ANO2: variants seen among roughly 807,000 people sequenced by gnomAD.
ANO2 encodes anoctamin-2.
In ANO2, 101 loss-of-function variants were observed where a neutral mutation model predicts 124.2. That is an observed-to-expected ratio of 0.81 (90% CI 0.69 to 0.96). The LOEUF is 0.96. Among genes scored for constraint, ANO2 ranks in the 40% least tolerant of loss-of-function variants. ANO2 has a pLI of 0.00. For missense variants in ANO2, 1,293 were observed against 1,274.5 expected (o/e 1.01, Z -0.22); for synonymous variants, 486 against 482.5 (o/e 1.01, Z -0.09).
chr12:5,713,078 A>C (rs1949873373), intron 14 of ANO2, among the ~76,000 whole-genome samples: 1 of 152,202 alleles, frequency 6.6e-6, no homozygotes, highest in African/African-American at 2.4e-5. Context: ...ATGGACTGGA[A>C]GGGGGCCTGA....
chr12:5,684,797 A>T (rs7963523), intron 14 of ANO2, among the ~76,000 whole-genome samples: 1 of 152,040 alleles, frequency 6.6e-6, no homozygotes, highest in Admixed American at 6.5e-5. Flanking sequence ...ACTTGTTTTC[A>T]TCTTCCCTAT....
intron 19 of ANO2, among the ~76,000 whole-genome samples, chr12:5,607,684 T>G (rs1365047472): frequency 6.6e-6 from 1 of 152,112 alleles, no homozygotes; most frequent in Non-Finnish European, 1.5e-5. Flanking sequence ...CTCTGCCTCT[T>G]GTCAGGCCGG....
At chr12:5,745,861 G>A (rs1951251577) in intron 11 of ANO2, among the ~76,000 whole-genome samples, 1 of 152,212 alleles carries the variant, frequency 6.6e-6, no homozygotes, top group South Asian at 2.1e-4. Context: ...GGCATGTTCT[G>A]CTGGGTGACT....
In ANO2 at chr12:5,769,657, C is replaced by G. The variant is rs766908257; in HGVS notation, c.1056-18687G>C. On this transcript the variant is annotated intron_variant, in intron 10 of 24. Coordinates refer to ENST00000682330, the MANE Select transcript of ANO2 (RefSeq NM_001364791.2). The surrounding 1 kb of genome is among the most constrained non-coding windows in gnomAD (Gnocchi z 4.0). ...TGGGTGGTGGATGGACCTCCATTAA[C>G]AGCCACACCTCCCCATCCAGAAGGA... 1.3e-5 allele frequency among the ~76,000 whole-genome samples: 2 copies of G among 152,184 alleles called. No homozygotes were observed. The highest frequency in any genetic ancestry group is 2.9e-5 in the Non-Finnish European group (2 of 68,044).
At chr12:5,860,945 A>C (rs73255193) in intron 3 of ANO2, among the ~76,000 whole-genome samples, 2,637 of 152,320 alleles carry the variant, frequency 0.017, 69 homozygotes, top group African/African-American at 0.056. Flanking sequence ...CAAGGCTTCA[A>C]ATGTCAGTCT....
intron 14 of ANO2, among the ~76,000 whole-genome samples, chr12:5,708,628 G>C (rs1194157689): frequency 1.3e-5 from 2 of 152,170 alleles, no homozygotes; most frequent in African/African-American, 4.8e-5. Flanking sequence ...TGTGACCTTA[G>C]AGCCATTGTT....
chr12:5,647,534 G>A (rs1281330751), intron 15 of ANO2, among the ~76,000 whole-genome samples, 193 bp downstream of exon 15: 1 of 152,156 alleles, frequency 6.6e-6, no homozygotes, highest in Non-Finnish European at 1.5e-5. Flanking sequence ...CCCACTCCCT[G>A]GAAGTTCCAA....
At chr12:5,743,691 A>G (rs3825284) in intron 12 of ANO2, among the ~76,000 whole-genome samples, 17,493 of 152,228 alleles carry the variant, frequency 0.11, 1,086 homozygotes, top group Admixed American at 0.17. Context: ...GTCTACACTC[A>G]TGATGCCCTA....
intron 1 of ANO2, among the ~76,000 whole-genome samples, chr12:5,926,652 A>C (rs538073746): frequency 4.5e-4 from 68 of 152,334 alleles, no homozygotes; most frequent in African/African-American, 1.6e-3. Flanking sequence ...AATCCAAAGC[A>C]ATCCATTCTT....
intron 1 of ANO2, among the ~76,000 whole-genome samples, chr12:5,927,125 C>A (rs1942116599): frequency 6.6e-6 from 1 of 152,218 alleles, no homozygotes; most frequent in African/African-American, 2.4e-5. Flanking sequence ...CAGCCCACTG[C>A]CTGCTCACCT....
chr12:5,751,007 A>T, intron 10 of ANO2, 37 bp from the exon 11 acceptor site: 1 of 1,549,096 alleles, frequency 6.5e-7, no homozygotes, highest in Non-Finnish European at 8.8e-7. Flanking sequence ...ACACATATTA[A>T]GAACATCATA....
intron 4 of ANO2, among the ~76,000 whole-genome samples, chr12:5,842,420 G>A (rs575642981): frequency 1.3e-5 from 2 of 152,246 alleles, no homozygotes; most frequent in Admixed American, 1.3e-4. Flanking sequence ...AAAGGACGCA[G>A]ATCAGGGCAG....
chr12:5,575,420 C>T (rs922768574), intron 23 of ANO2, among the ~76,000 whole-genome samples: 11 of 152,116 alleles, frequency 7.2e-5, no homozygotes, highest in South Asian at 2.1e-4. Flanking sequence ...GATGTACAGT[C>T]GTGTGTTGCT....
chr12:5,632,571 C>T (rs1027560270), intron 16 of ANO2, among the ~76,000 whole-genome samples: 2 of 152,072 alleles, frequency 1.3e-5, no homozygotes, highest in African/African-American at 4.8e-5. Flanking sequence ...AGGGTAGCCG[C>T]TTTGGTCTGG....
intron 10 of ANO2, among the ~76,000 whole-genome samples, chr12:5,753,250 G>A (rs1040042019): frequency 3.9e-5 from 6 of 152,160 alleles, no homozygotes; most frequent in African/African-American, 1.4e-4. Context: ...GGGCTAGTGG[G>A]CTGGAGGGGA....
At chr12:5,887,773 T>C (rs1939040273) in intron 3 of ANO2, among the ~76,000 whole-genome samples, 1 of 152,276 alleles carries the variant, frequency 6.6e-6, no homozygotes, top group South Asian at 2.1e-4. Context: ...TTACAAGCGT[T>C]ATCCTCTGTG....
intron 15 of ANO2, among the ~76,000 whole-genome samples, chr12:5,640,426 T>C (rs943407577): frequency 6.6e-6 from 1 of 152,146 alleles, no homozygotes; most frequent in African/African-American, 2.4e-5. Flanking sequence ...TTAGAAAACA[T>C]CAGAGTGAAC....
At chr12:5,770,511 C>T (rs939239280) in intron 10 of ANO2, among the ~76,000 whole-genome samples, 1 of 152,090 alleles carries the variant, frequency 6.6e-6, no homozygotes, top group Non-Finnish European at 1.5e-5. Context: ...TCATCTTTGG[C>T]TTTTTTAAAA....
rs560489344 is a variant in ANO2 at position 5,647,628 on chromosome 12, C to T, written c.1620+99G>A. 4.0e-6 allele frequency: 4 copies of T among 1,002,094 alleles called. No homozygotes were observed. The South Asian group carries it at 4.2e-5, about 10-fold the overall frequency. The allele number at this position is 1,002,094 out of a possible 1,614,324, so 62.1% of individuals were successfully genotyped here. ...GGACTGTGGCTTCCCCTTTACCAGCCTCTCATTATTTCCATAGCAGAATAT... is the reference window on the plus strand; with the variant it reads ...GGACTGTGGCTTCCCCTTTACCAGCTTCTCATTATTTCCATAGCAGAATAT... On this transcript the variant is annotated intron_variant, in intron 15 of 24. Coordinates refer to ENST00000682330, the MANE Select transcript of ANO2 (RefSeq NM_001364791.2).
Sources: gnomAD v4.1 joint callset for allele counts (sites outside exome capture counted in the v4.1 genomes callset) on GRCh38, gnomAD v4.1.1 for gene constraint, Gnocchi (gnomAD v3.1) non-coding constraint, MANE v1.5 for transcripts, NCBI Gene and HGNC (gene_info 2026-07-23, HGNC 2026-07-21) for gene names.